The following RAMP3 variants were observed in gnomAD, a reference collection of about 807,000 sequenced individuals.
RAMP3 encodes the protein receptor activity modifying protein 3, also known as receptor activity-modifying protein 3.
A neutral mutation model predicts 13.5 loss-of-function variants in RAMP3; 14 were observed. The ratio of observed to expected loss-of-function variants is 1.04; its 90% CI spans 0.69 to 1.63. The LOEUF (loss-of-function observed/expected upper bound fraction) is 1.63, where lower values mean the gene tolerates loss of function less well. Among genes scored for constraint, RAMP3 ranks in the 40% most tolerant of loss-of-function variants. The pLI is 0.00. For synonymous variants in RAMP3, 106 were observed against 88.3 expected (o/e 1.20, Z -1.12); for missense variants, 200 against 204.8 (o/e 0.98, Z 0.14).
At chr7:45,171,760 C>T (rs1786088561) in intron 1 of RAMP3, among the ~76,000 whole-genome samples, 2 of 152,270 alleles carry the variant, frequency 1.3e-5, no homozygotes, top group Non-Finnish European at 2.9e-5. Flanking sequence ...GTGTGGGATG[C>T]CACGCCTGCC....
chr7:45,164,919 T>C (rs946636566), intron 1 of RAMP3, among the ~76,000 whole-genome samples: 3 of 152,234 alleles, frequency 2.0e-5, no homozygotes, highest in Admixed American at 6.5e-5. Flanking sequence ...CAATCTTTGC[T>C]TCTTAGTTGA....
At chr7:45,165,782 A>G (rs1207401285) in intron 1 of RAMP3, among the ~76,000 whole-genome samples, 1 of 152,224 alleles carries the variant, frequency 6.6e-6, no homozygotes, top group African/African-American at 2.4e-5. Context: ...TGTAAATGGC[A>G]TCATATAATA....
chr7:45,179,954 C>T (rs1372223561), intron 2 of RAMP3, among the ~76,000 whole-genome samples: 2 of 152,214 alleles, frequency 1.3e-5, no homozygotes, highest in South Asian at 2.1e-4. Flanking sequence ...CCCTGGAAAC[C>T]GAGGACTGTG....
chr7:45,177,377 GC>G lies in RAMP3; in HGVS notation c.128del (p.Ala43ValfsTer5), dbSNP rs1786212435. The G allele has an allele frequency of 2.5e-6, 4 of 1,614,142 alleles. No individual in the cohort carries two copies. The highest frequency in any genetic ancestry group is 3.4e-6 in the Non-Finnish European group (4 of 1,179,980). ...GGAGAGGCTGCCCCTGTGTGGGAAG[GC>G]TTTCGCAGACATGATGGGCAAGGTG... ...MLERLPLCGK[A>X]FADMMGKVDV... On this transcript the variant is annotated frameshift_variant, in exon 2 of 3. Coordinates refer to ENST00000242249, the MANE Select transcript of RAMP3 (RefSeq NM_005856.3). LOFTEE classifies it high-confidence loss of function.
At chr7:45,161,148 C>G (rs910586533) in intron 1 of RAMP3, among the ~76,000 whole-genome samples, 1 of 152,140 alleles carries the variant, frequency 6.6e-6, no homozygotes, top group African/African-American at 2.4e-5. Flanking sequence ...CAGGTCCTTG[C>G]GATGGGGCAT....
intron 1 of RAMP3, among the ~76,000 whole-genome samples, chr7:45,166,452 A>G (rs1004774822): frequency 2.0e-5 from 3 of 152,128 alleles, no homozygotes; most frequent in Non-Finnish European, 4.4e-5. Context: ...GATCATTTAT[A>G]TATATTTTTG....
intron 1 of RAMP3, 51 bp downstream of exon 1, chr7:45,157,937 C>G: frequency 7.6e-7 from 1 of 1,323,444 alleles, no homozygotes; most frequent in Non-Finnish European, 9.6e-7. Context: ...TCGGGGTTCA[C>G]CGGACCCGGG....
chr7:45,178,037 T>A (rs1380175173), intron 2 of RAMP3, among the ~76,000 whole-genome samples: 1 of 150,410 alleles, frequency 6.6e-6, no homozygotes, highest in Non-Finnish European at 1.5e-5. Context: ...GGGTGGGTGC[T>A]GCCCTACCCC....
At chr7:45,168,486 T>C (rs999067292) in intron 1 of RAMP3, among the ~76,000 whole-genome samples, 1 of 151,988 alleles carries the variant, frequency 6.6e-6, no homozygotes, top group Non-Finnish European at 1.5e-5. Flanking sequence ...TTTTTAATTA[T>C]ACTTATTACT....
intron 1 of RAMP3, among the ~76,000 whole-genome samples, chr7:45,174,407 TG>T (rs891039347): frequency 2.6e-5 from 4 of 152,224 alleles, no homozygotes; most frequent in African/African-American, 9.7e-5. Context: ...CACTGGCTGC[TG>T]TTCTTGGTCC....
Position 45,183,479 on chromosome 7 carries a change from G to A in RAMP3, c.*67G>A, listed in dbSNP as rs1046290. The A allele has an allele frequency of 1.9e-6, 3 of 1,580,308 alleles. 1 individual carries two copies. The highest frequency in any genetic ancestry group is 2.6e-6 in the Non-Finnish European group (3 of 1,165,082). On this transcript the variant is annotated 3_prime_UTR_variant, in exon 3 of 3. Transcript: ENST00000242249. The stretch of plus-strand genomic sequence containing the variant: ...AAGAAAGTTCCCTGGGGATGGGAGA[G>A]CGGGTGGGTGCTGCCAATCTCCAGC...
At chr7:45,158,419 G>A (rs773667924) in intron 1 of RAMP3, among the ~76,000 whole-genome samples, 3 of 152,336 alleles carry the variant, frequency 2.0e-5, no homozygotes, top group South Asian at 2.1e-4. Flanking sequence ...GAGGGGAAGC[G>A]GGGCGACTCT....
At position 45,182,693 on chromosome 7, in the gene RAMP3, C is replaced by A. The variant is rs115735819; in HGVS notation, c.192-464C>A. On this transcript the variant is annotated intron_variant, in intron 2 of 2. Coordinates refer to ENST00000242249, the MANE Select transcript of RAMP3 (RefSeq NM_005856.3). ...TTGGCCACCACCTGGCACATGAGGG[C>A]AGGCTGACTTGATTAGGAGGTGGCT... Among the ~76,000 whole-genome samples the A allele has an allele frequency of 4.8e-3, 728 of 152,308 alleles. 2 individuals are homozygous for A. The highest frequency in any genetic ancestry group is 0.017 in the African/African-American group (695 of 41,560).
At chr7:45,176,229 T>C (rs184313906) in intron 1 of RAMP3, among the ~76,000 whole-genome samples, 1 of 152,260 alleles carries the variant, frequency 6.6e-6, no homozygotes, top group Admixed American at 6.5e-5. Flanking sequence ...GCCAGGTCTG[T>C]CCCATGTCAA....
chr7:45,166,242 A>G, intron 1 of RAMP3, among the ~76,000 whole-genome samples: 1 of 150,152 alleles, frequency 6.7e-6, no homozygotes, highest in Non-Finnish European at 1.5e-5. Flanking sequence ...TGGTGCAGTC[A>G]TAGCTCACTG....
At chr7:45,171,797 G>A (rs972908355) in intron 1 of RAMP3, among the ~76,000 whole-genome samples, 6 of 152,116 alleles carry the variant, frequency 3.9e-5, no homozygotes, top group African/African-American at 1.2e-4. Flanking sequence ...ACACCCTCAG[G>A]CATGGACTTC....
chr7:45,181,301 C>T (rs1786307469), intron 2 of RAMP3, among the ~76,000 whole-genome samples: 2 of 152,218 alleles, frequency 1.3e-5, no homozygotes, highest in South Asian at 4.1e-4. Flanking sequence ...ACCTCTGCTC[C>T]GTGGGCTTCT....
rs1453886236 is a variant in RAMP3 at position 45,183,932 on chromosome 7, G to C, written c.*520G>C. 3 of 418,142 alleles carry C rather than the reference G, an allele frequency of 7.2e-6. No homozygotes were observed. The highest frequency in any genetic ancestry group is 1.3e-5 in the Non-Finnish European group (3 of 236,848). The allele number at this position is 418,142 out of a possible 1,614,324, so 25.9% of individuals were successfully genotyped here. A position where few individuals can be genotyped will look rare whatever the true frequency, so the allele number is the denominator to read the frequency against. On this transcript the variant is annotated 3_prime_UTR_variant, in exon 3 of 3. Transcript: ENST00000242249. ...AGACGTTCCGTGCTGTGACCTCCGA[G>C]CCCTCCTGGTGGGAAGACAGCTGGA...
intron 1 of RAMP3, among the ~76,000 whole-genome samples, chr7:45,159,238 C>G (rs1785820298): frequency 6.6e-6 from 1 of 152,206 alleles, no homozygotes; most frequent in Non-Finnish European, 1.5e-5. Context: ...GAATAGGGAC[C>G]AGGTCCAGCT....
Sources: gnomAD v4.1 joint callset for allele counts (sites outside exome capture counted in the v4.1 genomes callset) on GRCh38, gnomAD v4.1.1 for gene constraint, MANE v1.5 for transcripts, NCBI Gene and HGNC (gene_info 2026-07-23, HGNC 2026-07-21) for gene names.